TRAK1: variants seen among roughly 807,000 people sequenced by gnomAD.
TRAK1 encodes the protein trafficking kinesin-binding protein 1.
A neutral mutation model predicts 92.1 loss-of-function variants in TRAK1; 33 were observed. The observed-to-expected ratio is 0.36, with a 90% CI of 0.27 to 0.48. The LOEUF is 0.48. TRAK1 is among the 20% of genes least tolerant of loss of function. The probability of loss-of-function intolerance (pLI) is 0.99; values close to 1 mark genes in which losing one functional copy is unlikely to be tolerated. For synonymous variants in TRAK1, 521 were observed against 517.3 expected, an observed-to-expected ratio of 1.01 and a Z score of -0.10; for missense variants, 1,123 against 1,257.9, an observed-to-expected ratio of 0.89 and a Z score of 1.62.
intron 1 of TRAK1, among the ~76,000 whole-genome samples, chr3:42,066,151 C>A (rs1703666542): frequency 6.6e-6 from 1 of 151,984 alleles, no homozygotes; most frequent in African/African-American, 2.4e-5. Context: ...CATGGCAAAA[C>A]CCCGTCTCTG....
At chr3:42,157,457 CAAAAAAAAAAAA>C (rs60622565) in intron 2 of TRAK1, among the ~76,000 whole-genome samples, 14 of 31,112 alleles carry the variant, frequency 4.5e-4, no homozygotes, top group Non-Finnish European at 4.9e-4. Context: ...GACCCTGTCT[CAAAAAAAAAAAA>C]AAAAAAAAAA....
intron 1 of TRAK1, among the ~76,000 whole-genome samples, chr3:42,059,061 C>T (rs1007194562): frequency 1.2e-4 from 18 of 151,586 alleles, no homozygotes; most frequent in African/African-American, 2.9e-4. Context: ...AATATACATA[C>T]GTATGATATA....
chr3:42,196,626 C>T lies in TRAK1; in HGVS notation c.1113+1685C>T, dbSNP rs1350363951. On this transcript the variant is annotated intron_variant, in intron 10 of 15. Coordinates refer to ENST00000327628, the MANE Select transcript of TRAK1 (RefSeq NM_001042646.3). ...GATCTTGGCTCACTGCAACCTCCCTCTCCTGAGTTCAAGCGATTCTCCTGC... is the reference window on the plus strand; with the variant it reads ...GATCTTGGCTCACTGCAACCTCCCTTTCCTGAGTTCAAGCGATTCTCCTGC... 2.0e-5 allele frequency among the ~76,000 whole-genome samples: 3 copies of T among 150,394 alleles called. No homozygotes were observed. The Admixed American group carries it at 2.0e-4, about 10-fold the overall frequency.
rs535545599 is a variant in TRAK1 at position 42,184,105 on chromosome 3, C to A, written c.364-580C>A. The stretch of plus-strand genomic sequence containing the variant: ...AAGTAGCCTTTTCTAAGTAAAAAAA[C>A]AGAAAAGCATGTAATTGTTTTTGAG... On this transcript the variant is annotated intron_variant, in intron 3 of 15. Coordinates refer to ENST00000327628, the MANE Select transcript of TRAK1 (RefSeq NM_001042646.3). 5.7e-4 allele frequency among the ~76,000 whole-genome samples: 86 copies of A among 151,744 alleles called. 3 individuals are homozygous for A. In the South Asian group the frequency reaches 0.016, roughly 28 times the overall value.
intron 1 of TRAK1, among the ~76,000 whole-genome samples, chr3:42,098,402 A>G (rs1166721046): frequency 6.6e-6 from 1 of 152,168 alleles, no homozygotes; most frequent in South Asian, 2.1e-4. Flanking sequence ...CCTGTGGTCA[A>G]CTGACCCTTT....
intron 1 of TRAK1, among the ~76,000 whole-genome samples, chr3:42,105,245 C>T (rs922535161): frequency 5.9e-5 from 9 of 152,144 alleles, no homozygotes; most frequent in Non-Finnish European, 1.2e-4. Context: ...TGAGCCACCA[C>T]GCCCAGCAGA....
At chr3:42,109,204 T>C (rs1475032461) in intron 1 of TRAK1, among the ~76,000 whole-genome samples, 3 of 152,314 alleles carry the variant, frequency 2.0e-5, no homozygotes, top group Admixed American at 6.5e-5. Context: ...TGGATGTAAA[T>C]GCTTATAAGT....
Position 42,202,374 on chromosome 3 carries a change from C to A in TRAK1, c.1428-62C>A, listed in dbSNP as rs955810320. ...CGTCCACCGCTGTGCATTGAGCAGT[C>A]GGGCCTCTGTGGCCTTGGAGCCCTG... On this transcript the variant is annotated intron_variant, in intron 12 of 15. Transcript: ENST00000327628. This position sits in a 1 kb window ranked among gnomAD's most constrained non-coding sequence, Gnocchi z 6.1. 1 of 1,435,236 alleles carries A rather than the reference C, an allele frequency of 7.0e-7. No homozygotes were observed. The highest frequency in any genetic ancestry group is 1.8e-5 in the South Asian group (1 of 56,596). 88.9% of individuals were successfully genotyped at this position (1,435,236 alleles called of 1,614,324 possible).
intron 1 of TRAK1, among the ~76,000 whole-genome samples, chr3:42,101,874 C>T (rs1174385603): frequency 1.3e-5 from 2 of 152,158 alleles, no homozygotes; most frequent in Non-Finnish European, 2.9e-5. Context: ...TTGGTGAGTC[C>T]AGCAATCCTC....
chr3:42,168,241 G>T (rs773041373), intron 2 of TRAK1, among the ~76,000 whole-genome samples: 1 of 152,120 alleles, frequency 6.6e-6, no homozygotes, highest in Non-Finnish European at 1.5e-5. Flanking sequence ...TGGGTGATTT[G>T]CCATTTCTAA....
chr3:42,018,955 C>G (rs772246754), intron 1 of TRAK1, among the ~76,000 whole-genome samples: 1 of 152,058 alleles, frequency 6.6e-6, no homozygotes, highest in Non-Finnish European at 1.5e-5. Context: ...AACCCCGTCT[C>G]TATTAAAAAT....
chr3:42,158,738 T>C (rs754737572), intron 2 of TRAK1, among the ~76,000 whole-genome samples: 3 of 147,138 alleles, frequency 2.0e-5, no homozygotes, highest in Non-Finnish European at 4.5e-5. Context: ...GGTCAGGAGA[T>C]TGAGACCATC....
At chr3:42,151,212 T>C in intron 2 of TRAK1, 1 of 379,336 alleles carries the variant, frequency 2.6e-6, no homozygotes, top group Non-Finnish European at 5.1e-6. Context: ...ATGACCCAAA[T>C]GCCACACCAT....
At chr3:42,146,197 C>A (rs1369125228) in intron 2 of TRAK1, 3 of 316,192 alleles carry the variant, frequency 9.5e-6, no homozygotes. Flanking sequence ...TCTACTCTCA[C>A]CTTTAAGAAA....
chr3:42,067,314 A>G (rs1703721178), intron 1 of TRAK1, among the ~76,000 whole-genome samples: 1 of 152,244 alleles, frequency 6.6e-6, no homozygotes, highest in Non-Finnish European at 1.5e-5. Flanking sequence ...GACTTTGTCA[A>G]TTATGGTTAA....
chr3:42,224,161 C>G lies in TRAK1; in HGVS notation c.*424C>G. ...CTGTCACGCGGCACGGGTCATAACA[C>G]ATCTGGGTGTCATCGGACACCTCAC... On this transcript the variant is annotated 3_prime_UTR_variant, in exon 16 of 16. Transcript: ENST00000327628. The G allele has an allele frequency of 2.2e-6, 1 of 447,072 alleles. No individual in the cohort carries two copies. The highest frequency in any genetic ancestry group is 1.6e-5 in the South Asian group (1 of 62,176). 27.7% of individuals were successfully genotyped at this position (447,072 alleles called of 1,614,324 possible).
intron 2 of TRAK1, among the ~76,000 whole-genome samples, chr3:42,130,280 T>A (rs1326730325): frequency 6.6e-6 from 1 of 151,414 alleles, no homozygotes; most frequent in Non-Finnish European, 1.5e-5. Context: ...CCAGGGGCTG[T>A]TCTATGTAAC....
At chr3:42,160,440 A>C (rs1701132229) in intron 2 of TRAK1, 1 of 1,614,224 alleles carries the variant, frequency 6.2e-7, no homozygotes, top group Non-Finnish European at 8.5e-7. Flanking sequence ...GCCAACCCAC[A>C]GGCAGCATGA....
chr3:42,023,744 GTTTTTTTTTTTT>G (rs780080581), intron 1 of TRAK1, among the ~76,000 whole-genome samples: 33 of 99,052 alleles, frequency 3.3e-4, no homozygotes, highest in Admixed American at 1.7e-3. Flanking sequence ...GCTCGTGAGG[GTTTTTTTTTTTT>G]TTTTTTTTTT....
Sources: allele counts gnomAD v4.1 joint callset (sites outside exome capture counted in the v4.1 genomes callset), GRCh38; gene constraint gnomAD v4.1.1; non-coding constraint Gnocchi (gnomAD v3.1); transcripts MANE v1.5; gene names NCBI Gene and HGNC (gene_info 2026-07-23, HGNC 2026-07-21).